USP9X: variants seen among roughly 807,000 people sequenced by gnomAD.
The protein encoded by USP9X is ubiquitin carboxyl-terminal hydrolase 9X.
In USP9X, 7 loss-of-function variants were observed where a neutral mutation model predicts 190.3. That is an observed-to-expected ratio of 0.04 (90% CI 0.02 to 0.07). The LOEUF is 0.07. Among genes scored for constraint, USP9X ranks in the 10% least tolerant of loss-of-function variants. The pLI is 1.00. For missense variants in USP9X, 1,010 were observed against 1,916.9 expected, an observed-to-expected ratio of 0.53 and a Z score of 8.83; for synonymous variants, 645 against 659.5, an observed-to-expected ratio of 0.98 and a Z score of 0.34.
chrX:41,196,158 T>C, intron 26 of USP9X, 93 bp from the exon 27 acceptor site: 10 of 1,004,824 alleles, frequency 1.0e-5, no homozygotes, highest in Non-Finnish European at 1.4e-5. Context: ...CCTTTTATAC[T>C]CCCCCCACCT....
chrX:41,173,191 T>C (rs764521243), intron 21 of USP9X, among the ~76,000 whole-genome samples: 12 of 111,775 alleles, frequency 1.1e-4, no homozygotes, highest in Non-Finnish European at 1.9e-4. Context: ...AGCTCTTCTG[T>C]TGGCTTTTCC....
rs756165297 is a variant in USP9X at position 41,135,788 on chromosome X, G to T, written c.435+951G>T. ...TGGGACTACAGGCGTGCGCCACCAC[G>T]CCTGGCTAATTTTTGTATTTTTAGG... On this transcript the variant is annotated intron_variant, in intron 5 of 44. Coordinates refer to ENST00000378308, the MANE Select transcript of USP9X (RefSeq NM_001039591.3). Among the ~76,000 whole-genome samples the T allele has an allele frequency of 4.6e-4, 51 of 110,002 alleles. 1 individual carries two copies. Among genetic ancestry groups the T allele is most frequent in the Admixed American group, 4.1e-3 (43 of 10,396 alleles).
intron 21 of USP9X, among the ~76,000 whole-genome samples, chrX:41,180,893 A>G (rs747513147): frequency 1.8e-5 from 2 of 111,951 alleles, no homozygotes; most frequent in Non-Finnish European, 3.8e-5. Context: ...CTTAAACCAC[A>G]CATCATCTCT....
chrX:41,141,748 G>T (rs1163969919), intron 9 of USP9X, among the ~76,000 whole-genome samples: 1 of 110,966 alleles, frequency 9.0e-6, no homozygotes, highest in African/African-American at 3.3e-5. Flanking sequence ...CTAGAAAATG[G>T]ATTGGGTAGT....
At chrX:41,150,771 T>G in intron 12 of USP9X, 150 bp from the exon 13 acceptor site, 1 of 594,769 alleles carries the variant, frequency 1.7e-6, no homozygotes. Flanking sequence ...CTTTTATTAT[T>G]TAAATTAAAC....
chrX:41,160,669 C>T (rs2062621835), intron 14 of USP9X, among the ~76,000 whole-genome samples: 1 of 111,755 alleles, frequency 8.9e-6, no homozygotes, highest in African/African-American at 3.3e-5. Context: ...TTCTGTGTTA[C>T]TCGCCACAAT....
chrX:41,159,625 G>A (rs987530748), intron 14 of USP9X, among the ~76,000 whole-genome samples: 11 of 110,860 alleles, frequency 9.9e-5, no homozygotes. Context: ...CGCGTCCTGG[G>A]TTCAAGTGAT....
chrX:41,118,251 T>C (rs1243326211), intron 1 of USP9X, among the ~76,000 whole-genome samples: 1 of 111,338 alleles, frequency 9.0e-6, no homozygotes, highest in Non-Finnish European at 1.9e-5. Flanking sequence ...CTTCTCTTCT[T>C]TCCAAACTGA....
In USP9X at chrX:41,217,088, G is replaced by T. The variant is rs914013194; in HGVS notation, c.6086-132G>T. On this transcript the variant is annotated intron_variant, in intron 35 of 44. Coordinates refer to ENST00000378308, the MANE Select transcript of USP9X (RefSeq NM_001039591.3). ...AAAAATAAAATAAAAAAATAAATGG[G>T]TCTAAATTAAAGTAGCCTGAGAAGG... 8 of 694,373 alleles carry T rather than the reference G, an allele frequency of 1.2e-5. No individual in the cohort carries two copies. In the East Asian group the frequency reaches 3.0e-4, roughly 26 times the overall value. The allele number at this position is 694,373 out of a possible 1,213,427, so 57.2% of individuals were successfully genotyped here. A position where few individuals can be genotyped will look rare whatever the true frequency, so the allele number is the denominator to read the frequency against.
In USP9X at chrX:41,085,980, C is replaced by T; in HGVS notation, c.-288C>T. The T allele has an allele frequency of 3.4e-6, 1 of 297,952 alleles. No individual in the cohort carries two copies. The highest frequency in any genetic ancestry group is 5.9e-6 in the Non-Finnish European group (1 of 170,397). 24.6% of individuals were successfully genotyped at this position (297,952 alleles called of 1,213,427 possible). ...CCGGCCGCCGCAGCCTTTCGATACACTTTGTTGCCGGTCACCCCCGGGCCT... is the reference window on the plus strand; with the variant it reads ...CCGGCCGCCGCAGCCTTTCGATACATTTTGTTGCCGGTCACCCCCGGGCCT... On this transcript the variant is annotated 5_prime_UTR_variant, in exon 1 of 45. Coordinates refer to ENST00000378308, the MANE Select transcript of USP9X (RefSeq NM_001039591.3).
chrX:41,154,208 A>G (rs895943182), intron 14 of USP9X, among the ~76,000 whole-genome samples: 3 of 111,700 alleles, frequency 2.7e-5, no homozygotes, highest in Non-Finnish European at 5.7e-5. Flanking sequence ...ACAGACAGTG[A>G]TCTTAGCATT....
intron 1 of USP9X, among the ~76,000 whole-genome samples, chrX:41,101,290 G>C (rs748621835): frequency 2.4e-4 from 26 of 110,053 alleles, no homozygotes; most frequent in African/African-American, 8.3e-4. Flanking sequence ...AAAGACTTTA[G>C]AGAAGCCAGC....
intron 41 of USP9X, among the ~76,000 whole-genome samples, chrX:41,228,425 C>T (rs2063333490): frequency 1.8e-5 from 2 of 111,501 alleles, no homozygotes; most frequent in South Asian, 7.5e-4. Context: ...AAATGAAATC[C>T]TGTGTTATTG....
intron 17 of USP9X, 33 bp downstream of exon 17, chrX:41,167,610 A>G (rs2062688635): frequency 1.9e-6 from 2 of 1,053,899 alleles, no homozygotes; most frequent in African/African-American, 1.9e-5. Context: ...ACTTCCATAT[A>G]TAATTCTTTC....
At chrX:41,159,803 C>T (rs902966676) in intron 14 of USP9X, among the ~76,000 whole-genome samples, 1 of 111,554 alleles carries the variant, frequency 9.0e-6, no homozygotes, top group Non-Finnish European at 1.9e-5. Flanking sequence ...GAATTACAGG[C>T]ATGAGCCACT....
rs61148157 is a variant in USP9X at position 41,142,029 on chromosome X, G to C, written c.1161+598G>C. Among the ~76,000 whole-genome samples the C allele has an allele frequency of 4.7e-3, 526 of 111,355 alleles. 3 individuals carry two copies. Among genetic ancestry groups the C allele is most frequent in the African/African-American group, 0.017 (509 of 30,611 alleles). On this transcript the variant is annotated intron_variant, in intron 9 of 44. Coordinates refer to ENST00000378308, the MANE Select transcript of USP9X (RefSeq NM_001039591.3). ...TTGAATGTATATGTGTAACAGTCCT[G>C]GGGAAACATCTGTAGGAGAACTGTC...
intron 39 of USP9X, 55 bp from the exon 40 acceptor site, chrX:41,224,687 T>C: frequency 1.0e-6 from 1 of 986,249 alleles, no homozygotes; most frequent in Non-Finnish European, 1.4e-6. Flanking sequence ...AAGTTGTGTA[T>C]TATTATTGTG....
At chrX:41,157,355 G>A (rs2062588144) in intron 14 of USP9X, among the ~76,000 whole-genome samples, 1 of 110,999 alleles carries the variant, frequency 9.0e-6, no homozygotes, top group South Asian at 3.8e-4. Context: ...CAGCCTCCAA[G>A]CCACACAGAC....
At chrX:41,104,552 T>A (rs962376805) in intron 1 of USP9X, among the ~76,000 whole-genome samples, 2 of 111,545 alleles carry the variant, frequency 1.8e-5, no homozygotes, top group Non-Finnish European at 3.8e-5. Flanking sequence ...TTCTGATAAT[T>A]TATAGTTGGG....
Sources: gnomAD v4.1 joint callset for allele counts (sites outside exome capture counted in the v4.1 genomes callset) on GRCh38, gnomAD v4.1.1 for gene constraint, MANE v1.5 for transcripts, NCBI Gene and HGNC (gene_info 2026-07-23, HGNC 2026-07-21) for gene names.